Variants in DPYSL2 observed in about 807,000 individuals in gnomAD.
DPYSL2 encodes dihydropyrimidinase-related protein 2.
Under a neutral mutation model 69.9 loss-of-function variants are expected in DPYSL2, and 13 were observed. The observed-to-expected ratio is 0.19, with a 90% CI of 0.12 to 0.30. DPYSL2 has a LOEUF of 0.30. DPYSL2 is among the 10% of genes least tolerant of loss of function. The pLI is 1.00. For synonymous variants in DPYSL2, 326 were observed against 359.1 expected (o/e 0.91, Z 1.04); for missense variants, 587 against 918.9 (o/e 0.64, Z 4.67).
At position 26,624,303 on chromosome 8, in the gene DPYSL2, T is replaced by C. The variant is rs753283036; in HGVS notation, c.789T>C (p.Asp263=). The C allele has an allele frequency of 6.2e-7, 1 of 1,614,072 alleles. No homozygotes were observed. Among genetic ancestry groups the C allele is most frequent in the Non-Finnish European group, 8.5e-7 (1 of 1,179,970 alleles). Residue 263 remains aspartate, a synonymous_variant, in exon 4 of 14, where the codon GAT becomes GAC. Transcript: ENST00000521913. This position sits in a 1 kb window ranked among gnomAD's most constrained non-coding sequence, Gnocchi z 4.7. The part of the protein sequence containing the change: ...IQEEMEALVK[D]HGVNSFLVYM... ...AGGAGATGGAAGCGCTTGTGAAGGA[T>C]CACGGTAGGTTGCACTGAGTCAATG...
chr8:26,529,163 G>A (rs894486113), intron 1 of DPYSL2, among the ~76,000 whole-genome samples: 6 of 152,110 alleles, frequency 3.9e-5, no homozygotes, highest in African/African-American at 7.2e-5. Flanking sequence ...TGATTCATAT[G>A]GCACTACTAG....
intron 1 of DPYSL2, among the ~76,000 whole-genome samples, chr8:26,558,089 TG>T (rs1158954527): frequency 1.3e-5 from 2 of 152,096 alleles, no homozygotes; most frequent in East Asian, 3.9e-4. Context: ...TCATACTCCT[TG>T]GTATTTATTC....
Position 26,556,285 on chromosome 8 carries a change from AATATATATAGT to A in DPYSL2, c.355-25663_355-25653del, listed in dbSNP as rs1334463326. On this transcript the variant is annotated intron_variant, in intron 1 of 13. Transcript: ENST00000521913. ...ACTATAGTATATATAGTATTTATATAATATATATAGTATATATATAGTATATATATACTATA... is the reference window on the plus strand; with the variant it reads ...ACTATAGTATATATAGTATTTATATAATATATATAGTATATATATACTATA... 6.5e-4 allele frequency among the ~76,000 whole-genome samples: 2 copies of A among 3,096 alleles called. 1 individual carries two copies. Among genetic ancestry groups the A allele is most frequent in the Non-Finnish European group, 2.1e-3 (2 of 966 alleles). The allele number at this position is 3,096 out of a possible 152,430, so 2.0% of individuals were successfully genotyped here. A position where few individuals can be genotyped will look rare whatever the true frequency, so the allele number is the denominator to read the frequency against.
intron 1 of DPYSL2, among the ~76,000 whole-genome samples, chr8:26,566,540 T>C (rs1347845700): frequency 6.6e-6 from 1 of 152,052 alleles, no homozygotes; most frequent in Non-Finnish European, 1.5e-5. Flanking sequence ...GTGGGGCTCA[T>C]AGGACTGAAG....
intron 3 of DPYSL2, among the ~76,000 whole-genome samples, chr8:26,596,286 A>G (rs1801859748): frequency 6.6e-6 from 1 of 152,238 alleles, no homozygotes; most frequent in Non-Finnish European, 1.5e-5. Flanking sequence ...CCCTCTTTGT[A>G]GGATGAACGT....
chr8:26,557,175 A>G (rs150650473), intron 1 of DPYSL2, among the ~76,000 whole-genome samples: 1,468 of 48,086 alleles, frequency 0.031, 26 homozygotes, highest in African/African-American at 0.074. Flanking sequence ...AGCATGGTCC[A>G]TGAAAAAAAT....
intron 10 of DPYSL2, among the ~76,000 whole-genome samples, chr8:26,646,209 T>G (rs903448936): frequency 1.3e-5 from 2 of 152,030 alleles, no homozygotes; most frequent in African/African-American, 2.4e-5. Flanking sequence ...TTCTGGTTTT[T>G]TTTTTTTTTT....
At chr8:26,602,824 G>T (rs1363102105) in intron 3 of DPYSL2, among the ~76,000 whole-genome samples, 1 of 152,210 alleles carries the variant, frequency 6.6e-6, no homozygotes, top group Non-Finnish European at 1.5e-5. Flanking sequence ...TGTGAAGATT[G>T]CTGTACTAAG....
At chr8:26,594,118 T>C (rs1435230871) in intron 3 of DPYSL2, among the ~76,000 whole-genome samples, 1 of 152,212 alleles carries the variant, frequency 6.6e-6, no homozygotes, top group African/African-American at 2.4e-5. Context: ...TCTAGTGCTT[T>C]CTGTCTGAGC....
In DPYSL2 at chr8:26,564,531, G is replaced by T. The variant is rs1269960533; in HGVS notation, c.355-17438G>T. Among the ~76,000 whole-genome samples the T allele has an allele frequency of 6.6e-6, 1 of 152,084 alleles. No homozygotes were observed. Among genetic ancestry groups the T allele is most frequent in the Non-Finnish European group, 1.5e-5 (1 of 68,032 alleles). ...AGACCTAGGGAAGGAGAAAAGAGGGGTGTGTGTGATGCTCTGCTACAAATC... is the reference window on the plus strand; with the variant it reads ...AGACCTAGGGAAGGAGAAAAGAGGGTTGTGTGTGATGCTCTGCTACAAATC... On this transcript the variant is annotated intron_variant, in intron 1 of 13. Transcript: ENST00000521913. The surrounding 1 kb of genome is among the most constrained non-coding windows in gnomAD (Gnocchi z 4.8).
intron 1 of DPYSL2, among the ~76,000 whole-genome samples, chr8:26,528,928 C>T (rs965123779): frequency 2.0e-5 from 3 of 152,084 alleles, no homozygotes; most frequent in African/African-American, 7.2e-5. Context: ...TGGTTCCTGA[C>T]CCTGGGGTGA....
chr8:26,514,066 A>G lies in DPYSL2; in HGVS notation c.-260A>G, dbSNP rs1295788149. 2 of 330,364 alleles carry G rather than the reference A, an allele frequency of 6.1e-6. No homozygotes were observed. Among genetic ancestry groups the G allele is most frequent in the Non-Finnish European group, 1.1e-5 (2 of 183,038 alleles). 20.5% of individuals were successfully genotyped at this position (330,364 alleles called of 1,614,324 possible). On this transcript the variant is annotated 5_prime_UTR_variant, in exon 1 of 14. Coordinates refer to ENST00000521913, the MANE Select transcript of DPYSL2 (RefSeq NM_001197293.3). The surrounding 1 kb of genome is among the most constrained non-coding windows in gnomAD (Gnocchi z 8.4). The stretch of plus-strand genomic sequence containing the variant: ...CCGCAGCCGCAGCGGACGCCCTCCC[A>G]GATCCAACTTTGCCGCTTCCCCGAG...
At chr8:26,638,359 C>A (rs1469351814) in intron 8 of DPYSL2, among the ~76,000 whole-genome samples, 2 of 152,186 alleles carry the variant, frequency 1.3e-5, no homozygotes, top group Non-Finnish European at 2.9e-5. Flanking sequence ...AATGATAATC[C>A]TGCCCTGGGA....
At chr8:26,540,682 G>A (rs1233879100) in intron 1 of DPYSL2, among the ~76,000 whole-genome samples, 1 of 152,184 alleles carries the variant, frequency 6.6e-6, no homozygotes, top group African/African-American at 2.4e-5. Context: ...AAGGCAGGCA[G>A]ATCACCTGAA....
At chr8:26,537,052 T>A (rs373707458) in intron 1 of DPYSL2, among the ~76,000 whole-genome samples, 2 of 146,108 alleles carry the variant, frequency 1.4e-5, no homozygotes, top group Non-Finnish European at 3.0e-5. Context: ...TTTTTTTTTT[T>A]AAGTAGAAAG....
intron 2 of DPYSL2, among the ~76,000 whole-genome samples, chr8:26,583,329 CTT>C (rs71553807): frequency 1.8e-4 from 25 of 138,936 alleles, no homozygotes; most frequent in Non-Finnish European, 2.2e-4. Flanking sequence ...ATAGTGTTCA[CTT>C]TTTTTTTTTT....
intron 7 of DPYSL2, among the ~76,000 whole-genome samples, chr8:26,630,000 T>C (rs907696399): frequency 5.3e-5 from 8 of 152,132 alleles, no homozygotes; most frequent in African/African-American, 1.9e-4. Flanking sequence ...CACACGTCCA[T>C]AGGCACAGAC....
At chr8:26,608,085 A>AG (rs1802146175) in intron 3 of DPYSL2, among the ~76,000 whole-genome samples, 1 of 152,004 alleles carries the variant, frequency 6.6e-6, no homozygotes, top group African/African-American at 2.4e-5. Context: ...TCAAAAAAAA[A>AG]AAAAAAAAAA....
intron 1 of DPYSL2, among the ~76,000 whole-genome samples, chr8:26,579,955 C>A (rs1234568327): frequency 3.0e-4 from 1 of 3,348 alleles, no homozygotes; most frequent in African/African-American, 4.4e-4. Flanking sequence ...TTAAAGAGCG[C>A]CCCCCCCCCC....
Sources: gnomAD v4.1 joint callset for allele counts (sites outside exome capture counted in the v4.1 genomes callset) on GRCh38, gnomAD v4.1.1 for gene constraint, Gnocchi (gnomAD v3.1) non-coding constraint, MANE v1.5 for transcripts, NCBI Gene and HGNC (gene_info 2026-07-23, HGNC 2026-07-21) for gene names.